The following SPRR2G variants were observed in gnomAD, a reference collection of about 807,000 sequenced individuals.
SPRR2G encodes the protein small proline rich protein 2G.
In SPRR2G, 1 loss-of-function variant was observed where a neutral mutation model predicts 0.7. The ratio of observed to expected loss-of-function variants is 1.49; its 90% CI spans 0.53 to 7.06. The LOEUF (loss-of-function observed/expected upper bound fraction) is 7.06. Among genes scored for constraint, SPRR2G ranks in the 30% most tolerant of loss-of-function variants. The pLI is 0.14. For synonymous variants in SPRR2G, 38 were observed against 33.9 expected (o/e 1.12, Z -0.42); for missense variants, 96 against 88.5 (o/e 1.09, Z -0.34).
At chr1:153,193,031 G>A in the SPRR2G span, among the ~76,000 whole-genome samples, 1 of 152,026 alleles carries the variant, frequency 6.6e-6, no homozygotes, top group Non-Finnish European at 1.5e-5. Context: ...TGAGAGATTA[G>A]GTAAACCTTC....
the SPRR2G span, among the ~76,000 whole-genome samples, chr1:153,187,511 T>G: frequency 7.4e-4 from 113 of 152,176 alleles, no homozygotes; most frequent in African/African-American, 2.6e-3. Context: ...TACTTGTGTA[T>G]GCTTCACAAA....
chr1:153,196,141 G>A, the SPRR2G span, among the ~76,000 whole-genome samples: 1 of 152,140 alleles, frequency 6.6e-6, no homozygotes, highest in Non-Finnish European at 1.5e-5. Context: ...TTGACTATGG[G>A]TACAAAGTTC....
At chr1:153,179,172 G>T in the SPRR2G span, among the ~76,000 whole-genome samples, 18 of 152,228 alleles carry the variant, frequency 1.2e-4, no homozygotes, top group South Asian at 3.5e-3. Context: ...GATTTAGCTT[G>T]GCTTTTAAAG....
At chr1:153,167,254 C>T in the SPRR2G span, among the ~76,000 whole-genome samples, 1 of 152,150 alleles carries the variant, frequency 6.6e-6, no homozygotes, top group Admixed American at 6.6e-5. Flanking sequence ...GCAGGCGGAT[C>T]ACCTGAGGTC....
At chr1:153,167,273 T>G in the SPRR2G span, among the ~76,000 whole-genome samples, 800 of 151,782 alleles carry the variant, frequency 5.3e-3, 11 homozygotes, top group Middle Eastern at 0.02. Flanking sequence ...TCAGGAGTTC[T>G]CAACCAGCCT....
chr1:153,181,312 A>C, the SPRR2G span, among the ~76,000 whole-genome samples: 1 of 152,230 alleles, frequency 6.6e-6, no homozygotes, highest in Admixed American at 6.5e-5. Flanking sequence ...TATGGGGTAC[A>C]TGTGACATTT....
chr1:153,184,950 C>A, the SPRR2G span, among the ~76,000 whole-genome samples: 1 of 152,246 alleles, frequency 6.6e-6, no homozygotes, highest in East Asian at 1.9e-4. Flanking sequence ...TTTTCTGCAT[C>A]TATTGAGATA....
chr1:153,177,249 T>C, the SPRR2G span, among the ~76,000 whole-genome samples: 2 of 152,248 alleles, frequency 1.3e-5, no homozygotes, highest in African/African-American at 4.8e-5. Flanking sequence ...TTTATTGATT[T>C]ACCTGCAGAT....
At chr1:153,171,725 TC>T in the SPRR2G span, among the ~76,000 whole-genome samples, 4 of 152,302 alleles carry the variant, frequency 2.6e-5, no homozygotes, top group Admixed American at 6.5e-5. Flanking sequence ...TGGTCCCATC[TC>T]CCTGGCACAG....
the SPRR2G span, among the ~76,000 whole-genome samples, chr1:153,168,904 A>ATGTGTGTGTGTGTGTG: frequency 8.8e-3 from 1,302 of 148,144 alleles, 19 homozygotes; most frequent in Admixed American, 0.032. Context: ...TCATGAGTGT[A>ATGTGTGTGTGTGTGTG]TGTGTGTGTG....
At chr1:153,184,427 A>G in the SPRR2G span, among the ~76,000 whole-genome samples, 1 of 152,072 alleles carries the variant, frequency 6.6e-6, no homozygotes, top group Non-Finnish European at 1.5e-5. Flanking sequence ...CTTCACGTCC[A>G]TTGTAAGTTG....
chr1:153,188,447 T>G, the SPRR2G span, among the ~76,000 whole-genome samples: 7 of 152,156 alleles, frequency 4.6e-5, no homozygotes, highest in African/African-American at 1.7e-4. Context: ...ACAGCCGCTT[T>G]GCCATGCTGT....
At chr1:153,173,185 A>G in the SPRR2G span, among the ~76,000 whole-genome samples, 2 of 152,196 alleles carry the variant, frequency 1.3e-5, no homozygotes, top group African/African-American at 4.8e-5. Context: ...CTATTCAGAA[A>G]CCACAAAGAA....
the SPRR2G span, among the ~76,000 whole-genome samples, chr1:153,178,723 G>A: frequency 1.7e-4 from 26 of 152,138 alleles, no homozygotes; most frequent in African/African-American, 5.1e-4. Context: ...GAGGAATAAC[G>A]ATCTGTAACT....
chr1:153,184,978 A>G, the SPRR2G span, among the ~76,000 whole-genome samples: 26 of 152,152 alleles, frequency 1.7e-4, no homozygotes, highest in South Asian at 5.2e-3. Flanking sequence ...GGTTTTTATC[A>G]TTGGTTCTGT....
At chr1:153,185,692 G>GT in the SPRR2G span, among the ~76,000 whole-genome samples, 9 of 151,996 alleles carry the variant, frequency 5.9e-5, no homozygotes, top group African/African-American at 2.2e-4. Flanking sequence ...TTTTTGAAGG[G>GT]TTTTTCATGT....
chr1:153,155,793 C>T (rs474907), upstream of SPRR2G, among the ~76,000 whole-genome samples: 69,488 of 152,028 alleles, frequency 0.46, 17,275 homozygotes, highest in Non-Finnish European at 0.57. Flanking sequence ...CTGTAATATG[C>T]CATATTATTA....
the SPRR2G span, among the ~76,000 whole-genome samples, chr1:153,174,945 T>G: frequency 6.6e-6 from 1 of 152,104 alleles, no homozygotes; most frequent in Non-Finnish European, 1.5e-5. Context: ...AAGAAACACT[T>G]AATACCTCAG....
At chr1:153,179,077 T>C in the SPRR2G span, among the ~76,000 whole-genome samples, 3 of 152,284 alleles carry the variant, frequency 2.0e-5, no homozygotes, top group South Asian at 2.1e-4. Context: ...AAGTCTAAAA[T>C]CCAGAAGTCA....
Sources: gnomAD v4.1 joint callset for allele counts (sites outside exome capture counted in the v4.1 genomes callset) on GRCh38, gnomAD v4.1.1 for gene constraint, MANE v1.5 for transcripts, NCBI Gene and HGNC (gene_info 2026-07-23, HGNC 2026-07-21) for gene names.